CHD2: variants seen among roughly 807,000 people sequenced by gnomAD.
CHD2 encodes the protein ATP-dependent chromatin remodeler CHD2.
In CHD2, 28 loss-of-function variants were observed where a neutral mutation model predicts 243.9. The ratio of observed to expected loss-of-function variants is 0.11; its 90% CI spans 0.09 to 0.16. CHD2 has a LOEUF of 0.16. Ranked by LOEUF, CHD2 falls within the 10% of genes least tolerant of loss-of-function variation. The pLI is 1.00. For synonymous variants in CHD2, 775 were observed against 779.0 expected (o/e 0.99, Z 0.09); for missense variants, 1,386 against 2,209.8 (o/e 0.63, Z 7.47).
chr15:92,951,456 C>G (rs563721457), intron 13 of CHD2, among the ~76,000 whole-genome samples: 8 of 152,078 alleles, frequency 5.3e-5, no homozygotes, highest in Non-Finnish European at 1.0e-4. Context: ...CAGCCATGAG[C>G]CACCGTGCCT....
In CHD2 at chr15:92,974,908, C is replaced by A; in HGVS notation, c.2535C>A (p.Ile845=). The A allele has an allele frequency of 6.2e-6, 10 of 1,613,776 alleles. 1 individual carries two copies. Among genetic ancestry groups the A allele is most frequent in the Non-Finnish European group, 8.5e-6 (10 of 1,179,700 alleles). Residue 845 remains isoleucine, a synonymous_variant, in exon 20 of 39, where the codon ATC becomes ATA. Coordinates refer to ENST00000394196, the MANE Select transcript of CHD2 (RefSeq NM_001271.4). ...TGGATGGTTCCATCAAGGGAGAAAT[C>A]CGAAAACAGGCACTGGACCACTTCA... is the stretch of plus-strand genomic sequence containing the variant. ...QRLDGSIKGE[I]RKQALDHFNA... is the part of the protein sequence containing the mutation.
intron 37 of CHD2, among the ~76,000 whole-genome samples, chr15:93,016,990 T>C (rs146978368): frequency 6.6e-6 from 1 of 152,210 alleles, no homozygotes; most frequent in Non-Finnish European, 1.5e-5. Flanking sequence ...ACTAGGAAAA[T>C]ATAAATTAAA....
intron 13 of CHD2, 178 bp downstream of exon 13, chr15:92,949,254 T>G: frequency 7.0e-7 from 1 of 1,418,928 alleles, no homozygotes; most frequent in Non-Finnish European, 9.2e-7. Context: ...GGAGTTTTTA[T>G]GTATGTGTAA....
intron 22 of CHD2, among the ~76,000 whole-genome samples, chr15:92,980,527 C>A (rs2141846026): frequency 6.6e-6 from 1 of 152,192 alleles, no homozygotes; most frequent in East Asian, 1.9e-4. Flanking sequence ...GAGTAAAAGG[C>A]CAAAGGAAAG....
intron 2 of CHD2, among the ~76,000 whole-genome samples, chr15:92,903,456 C>A (rs1432994434): frequency 6.6e-6 from 1 of 152,054 alleles, no homozygotes; most frequent in African/African-American, 2.4e-5. Flanking sequence ...TCTGGTAATA[C>A]CCTGTTTTTG....
rs1168472270 is a variant in CHD2 at position 92,974,829 on chromosome 15, G to A, written c.2506-50G>A. ...TTCCAAGTCTGCTGTTCTATTCTGA[G>A]TGTAGCTGATCTTCCTATCTTACAG... On this transcript the variant is annotated intron_variant, in intron 19 of 38. Coordinates refer to ENST00000394196, the MANE Select transcript of CHD2 (RefSeq NM_001271.4). 5 of 1,542,828 alleles carry A rather than the reference G, an allele frequency of 3.2e-6. No individual in the cohort carries two copies. The South Asian group carries it at 4.5e-5, about 14-fold the overall frequency.
chr15:92,962,087 G>T (rs1421070048), intron 16 of CHD2, among the ~76,000 whole-genome samples: 1 of 151,566 alleles, frequency 6.6e-6, no homozygotes, highest in African/African-American at 2.4e-5. Flanking sequence ...TCACCAAGTT[G>T]GCCAGGCTGG....
intron 20 of CHD2, among the ~76,000 whole-genome samples, chr15:92,977,084 AT>A: frequency 6.6e-6 from 1 of 152,054 alleles, no homozygotes; most frequent in East Asian, 1.9e-4. Flanking sequence ...GATATAGCAG[AT>A]TGTTGGTTGA....
intron 20 of CHD2, among the ~76,000 whole-genome samples, chr15:92,976,803 G>A (rs886892319): frequency 5.9e-5 from 9 of 151,742 alleles, no homozygotes; most frequent in African/African-American, 1.7e-4. Context: ...CAGGAGACAG[G>A]CAGGAGGATC....
At chr15:92,989,779 C>A (rs770475260) in intron 26 of CHD2, among the ~76,000 whole-genome samples, 2 of 152,270 alleles carry the variant, frequency 1.3e-5, no homozygotes, top group South Asian at 2.1e-4. Context: ...GACAGTGAGT[C>A]CAAGAGGCAG....
In CHD2 at chr15:93,024,515, A is replaced by T. The variant is rs1216283851; in HGVS notation, c.5297A>T (p.His1766Leu). 6.2e-7 allele frequency: 1 copy of T among 1,613,996 alleles called. No homozygotes were observed. Among genetic ancestry groups the T allele is most frequent in the African/African-American group, 1.3e-5 (1 of 74,876 alleles). ...CCCTCAGACCATTACCGCTCTTTCC[A>T]CACAGATAAACTGGGGGAATATAAA... ...QGPSDHYRSF[H>L]TDKLGEYKQP... Residue 1766 changes from histidine (H) to leucine (L), a missense_variant, in exon 39 of 39, where the codon CAC becomes CTC. Physicochemically the swap from His to Leu is moderately conservative, Grantham distance 99. Around this residue, in one of 19 missense-constraint regions of CHD2, gnomAD observed 347 missense variants for 341.6 expected, o/e 1.02. Transcript: ENST00000394196.
chr15:93,007,023 G>A (rs527878344), intron 34 of CHD2, among the ~76,000 whole-genome samples: 1 of 152,258 alleles, frequency 6.6e-6, no homozygotes, highest in African/African-American at 2.4e-5. Context: ...ATATTTTCTT[G>A]CACTACACAA....
chr15:92,924,472 G>A lies in CHD2; in HGVS notation c.214G>A (p.Gly72Ser). Residue 72 changes from glycine (G) to serine (S), a missense_variant, in exon 3 of 39, where the codon GGT becomes AGT. Coordinates refer to ENST00000394196, the MANE Select transcript of CHD2 (RefSeq NM_001271.4). ...GTCGGAATCTGAGAGCGAATCAGCA[G>A]GTTCCAAATCCCAGCCAGTCCTCCC... ...SQSESESESA[G>S]SKSQPVLPEA... The A allele has an allele frequency of 6.2e-7, 1 of 1,614,118 alleles. No homozygotes were observed. The highest frequency in any genetic ancestry group is 8.5e-7 in the Non-Finnish European group (1 of 1,180,014).
intron 20 of CHD2, 67 bp downstream of exon 20, chr15:92,975,017 C>T: frequency 7.8e-7 from 1 of 1,284,164 alleles, no homozygotes; most frequent in Middle Eastern, 1.9e-4. Flanking sequence ...GTCTCTCTCG[C>T]TTAATGTATT....
At chr15:92,979,066 C>A in intron 21 of CHD2, 69 bp from the exon 22 acceptor site, 2 of 1,570,774 alleles carry the variant, frequency 1.3e-6, no homozygotes, top group South Asian at 1.2e-5. Flanking sequence ...CAGAGCTAAT[C>A]CTTCTCTCTT....
Position 92,909,939 on chromosome 15 carries a change from C to CGTGTGTGT in CHD2, c.62+8663_62+8670dup, listed in dbSNP as rs57621949. 5.8e-3 allele frequency among the ~76,000 whole-genome samples: 866 copies of CGTGTGTGT among 149,216 alleles called. 2 individuals are homozygous for CGTGTGTGT. Among genetic ancestry groups the CGTGTGTGT allele is most frequent in the South Asian group, 8.5e-3 (40 of 4,686 alleles). On this transcript the variant is annotated intron_variant, in intron 2 of 38. Coordinates refer to ENST00000394196, the MANE Select transcript of CHD2 (RefSeq NM_001271.4). ...GTAAGGGACTGTTTTAAGGGTTTTA[C>CGTGTGTGT]GTGTGTGTGTGTGTGTGTGTGTGTG... is the stretch of plus-strand genomic sequence containing the variant.
chr15:92,932,064 A>G (rs2053179033), intron 5 of CHD2, among the ~76,000 whole-genome samples: 2 of 152,034 alleles, frequency 1.3e-5, no homozygotes, highest in South Asian at 2.1e-4. Context: ...GGGTTTCACC[A>G]TGTTGGCCAG....
intron 2 of CHD2, among the ~76,000 whole-genome samples, chr15:92,907,607 G>A (rs1292101492): frequency 1.3e-5 from 2 of 152,078 alleles, no homozygotes; most frequent in Non-Finnish European, 2.9e-5. Context: ...TCCCAGTTTA[G>A]GCCAGTGAAG....
At chr15:92,945,085 T>A (rs7171151) in intron 10 of CHD2, 70,762 of 152,314 alleles carry the variant, frequency 0.46, 17,319 homozygotes, top group East Asian at 0.84. Context: ...GAACAGTCGG[T>A]GAGACAGGAG....
Sources: allele counts gnomAD v4.1 joint callset (sites outside exome capture counted in the v4.1 genomes callset), GRCh38; gene constraint gnomAD v4.1.1; regional missense constraint gnomAD v4.1.1; transcripts MANE v1.5; gene names NCBI Gene and HGNC (gene_info 2026-07-23, HGNC 2026-07-21).